COG4: variants seen among roughly 807,000 people sequenced by gnomAD.
COG4 encodes conserved oligomeric Golgi complex subunit 4.
Under a neutral mutation model 95.1 loss-of-function variants are expected in COG4, and 65 were observed. That is an observed-to-expected ratio of 0.68 (90% CI 0.56 to 0.84). The LOEUF is 0.84. Ranked by LOEUF, COG4 falls within the 40% of genes least tolerant of loss-of-function variation. The pLI, the probability that COG4 is intolerant of heterozygous loss-of-function variation, is 0.00. For missense variants in COG4, 1,045 were observed against 989.1 expected (o/e 1.06, Z -0.76); for synonymous variants, 421 against 374.8 (o/e 1.12, Z -1.42).
intron 12 of COG4, 78 bp downstream of exon 12, chr16:70,496,188 A>G (rs953428337): frequency 2.0e-6 from 3 of 1,496,282 alleles, no homozygotes; most frequent in Non-Finnish European, 2.8e-6. Context: ...GCTAGAGGCC[A>G]ATTATACTGT....
chr16:70,481,923 G>T (rs1485921903), intron 16 of COG4, 58 bp from the exon 17 acceptor site: 5 of 1,500,744 alleles, frequency 3.3e-6, no homozygotes, highest in Non-Finnish European at 3.7e-6. Flanking sequence ...CCTCTATGCT[G>T]GAGTCTTAGG....
rs896621246 is a variant in COG4 at position 70,493,148 on chromosome 16, C to T, written c.1648-2756G>A. Among the ~76,000 whole-genome samples the T allele has an allele frequency of 1.1e-4, 16 of 152,092 alleles. 1 individual carries two copies. The highest frequency in any genetic ancestry group is 6.2e-4 in the South Asian group (3 of 4,830). ...GGAGATGAAGGTGAGAACATTTCTC[C>T]ACCCCCAGCAGCCTCTCTCCAGCTC... On this transcript the variant is annotated intron_variant, in intron 12 of 18. Coordinates refer to ENST00000323786, the MANE Select transcript of COG4 (RefSeq NM_015386.3).
chr16:70,481,310 G>C, intron 18 of COG4, 49 bp downstream of exon 18: 4 of 1,607,880 alleles, frequency 2.5e-6, no homozygotes, highest in Non-Finnish European at 3.4e-6. Flanking sequence ...ATCCATCTTT[G>C]CCTCTTTCAG....
intron 8 of COG4, among the ~76,000 whole-genome samples, chr16:70,504,479 T>C (rs1419613168): frequency 6.6e-6 from 1 of 151,558 alleles, no homozygotes; most frequent in African/African-American, 2.4e-5. Flanking sequence ...TAGTGGTGAG[T>C]GCCTGTAAGC....
At position 70,480,630 on chromosome 16, in the gene COG4, G is replaced by A. The variant is rs1244920380; in HGVS notation, c.*380C>T. ...CATCACAGCCTCTCCTCAAAGTCAA[G>A]CCTAACTGCTAGGTCCCCAGATGTA... On this transcript the variant is annotated 3_prime_UTR_variant, in exon 19 of 19. Coordinates refer to ENST00000323786, the MANE Select transcript of COG4 (RefSeq NM_015386.3). The A allele has an allele frequency of 3.5e-6, 1 of 289,650 alleles. No homozygotes were observed. Among genetic ancestry groups the A allele is most frequent in the Non-Finnish European group, 6.7e-6 (1 of 149,706 alleles). 17.9% of individuals were successfully genotyped at this position (289,650 alleles called of 1,614,324 possible).
chr16:70,520,198 G>T (rs11649624), intron 1 of COG4, among the ~76,000 whole-genome samples: 59,561 of 151,834 alleles, frequency 0.39, 12,245 homozygotes, highest in South Asian at 0.65. Context: ...CACTTTGGGA[G>T]GCCAAGGCAG....
In COG4 at chr16:70,481,539, G is replaced by A. The variant is rs1307779237; in HGVS notation, c.2107-52C>T. 2.5e-6 allele frequency: 4 copies of A among 1,608,970 alleles called. No individual in the cohort carries two copies. In the African/African-American group the frequency reaches 4.0e-5, roughly 16 times the overall value. On this transcript the variant is annotated intron_variant, in intron 17 of 18. Coordinates refer to ENST00000323786, the MANE Select transcript of COG4 (RefSeq NM_015386.3). ...TACTTAGGCCTGGCCAAGCAGAACT[G>A]GCCTCCAGTTGCCCCCAGAGCTGGG...
chr16:70,481,464 C>G lies in COG4; in HGVS notation c.2130G>C (p.Lys710Asn). 1 of 1,612,610 alleles carries G rather than the reference C, an allele frequency of 6.2e-7. No individual in the cohort carries two copies. Among genetic ancestry groups the G allele is most frequent in the Non-Finnish European group, 8.5e-7 (1 of 1,179,992 alleles). ...GGTAGGCAATGAGCGACCTCAGCTC[C>G]TTGTCAAACTGCAGACCACCCAGCT... is the stretch of plus-strand genomic sequence containing the variant. ...FNRLGGLQFD[K>N]ELRSLIAYLT... Residue 710 changes from lysine to asparagine, a missense_variant, in exon 18 of 19, where the codon AAG becomes AAC. Transcript: ENST00000323786.
intron 4 of COG4, among the ~76,000 whole-genome samples, chr16:70,513,124 G>T (rs1369740070): frequency 6.6e-6 from 1 of 152,202 alleles, no homozygotes; most frequent in South Asian, 2.1e-4. Flanking sequence ...GGGAATGAAA[G>T]ACATGAATAG....
At chr16:70,497,126 T>C in intron 11 of COG4, 95 bp downstream of exon 11, 6 of 1,226,876 alleles carry the variant, frequency 4.9e-6, no homozygotes, top group Non-Finnish European at 7.2e-6. Flanking sequence ...AGAACTTAAC[T>C]AGAATCATGA....
At chr16:70,516,838 A>T (rs957364532) in intron 3 of COG4, among the ~76,000 whole-genome samples, 1 of 152,144 alleles carries the variant, frequency 6.6e-6, no homozygotes, top group Non-Finnish European at 1.5e-5. Flanking sequence ...ACCTTGGCTC[A>T]CTGCAATCTC....
chr16:70,488,599 G>A (rs2049183150), intron 13 of COG4, among the ~76,000 whole-genome samples: 1 of 152,030 alleles, frequency 6.6e-6, no homozygotes, highest in Non-Finnish European at 1.5e-5. Flanking sequence ...CCAGGCTGGA[G>A]TGCAGTGACG....
chr16:70,512,500 T>A, intron 4 of COG4, 68 bp from the exon 5 acceptor site: 1 of 1,281,444 alleles, frequency 7.8e-7, no homozygotes, highest in Non-Finnish European at 1.1e-6. Flanking sequence ...TGCCACTTTG[T>A]GTAATACTAT....
intron 15 of COG4, 81 bp downstream of exon 15, chr16:70,482,648 T>C (rs2049021693): frequency 8.7e-7 from 1 of 1,149,018 alleles, no homozygotes; most frequent in African/African-American, 1.5e-5. Flanking sequence ...GTCTAGTCTG[T>C]TCAGATGGCT....
Position 70,482,835 on chromosome 16 carries a change from A to G in COG4, c.1828-14T>C, listed in dbSNP as rs2049028263. 1.0e-5 allele frequency: 16 copies of G among 1,607,980 alleles called. No homozygotes were observed. The East Asian group carries it at 3.6e-4, about 36-fold the overall frequency. ...CGTCAGCCCTTCCTGCACAAGGACA[A>G]GGTGGAGACATGTGACACAGAAGGC... On this transcript the variant is annotated splice_polypyrimidine_tract_variant and intron_variant, in intron 14 of 18. Coordinates refer to ENST00000323786, the MANE Select transcript of COG4 (RefSeq NM_015386.3).
At chr16:70,517,262 G>A (rs976754362) in intron 3 of COG4, among the ~76,000 whole-genome samples, 3 of 152,078 alleles carry the variant, frequency 2.0e-5, no homozygotes, top group African/African-American at 7.2e-5. Context: ...CAGGCAAGGT[G>A]GTTCACACCT....
intron 1 of COG4, among the ~76,000 whole-genome samples, chr16:70,520,826 C>T (rs979456477): frequency 1.2e-4 from 19 of 152,172 alleles, no homozygotes; most frequent in Admixed American, 4.6e-4. Flanking sequence ...TTTTATGCTT[C>T]GGTTTTTTCA....
At position 70,512,278 on chromosome 16, in the gene COG4, C is replaced by G. The variant is rs753678883; in HGVS notation, c.699G>C (p.Glu233Asp). 1.9e-6 allele frequency: 3 copies of G among 1,614,064 alleles called. No individual in the cohort carries two copies. The highest frequency in any genetic ancestry group is 2.7e-5 in the African/African-American group (2 of 74,918). The change falls in exon 5 of 19, where the codon GAG becomes GAC. Residue 233 changes from glutamate (E) to aspartate (D), a missense_variant. Glu to Asp is a conservative substitution (Grantham distance 45, BLOSUM62 2). Coordinates refer to ENST00000323786, the MANE Select transcript of COG4 (RefSeq NM_015386.3). The stretch of plus-strand genomic sequence containing the variant: ...ACTCCGAGAACTTTCTTAATCCCTC[C>G]TCATGCAAACCCAGCAGTGGGAAGA... The part of the protein sequence containing the change: ...FKIFPLLGLH[E>D]EGLRKFSEYL...
intron 3 of COG4, among the ~76,000 whole-genome samples, chr16:70,516,200 T>G (rs1390517278): frequency 6.6e-6 from 1 of 152,204 alleles, no homozygotes; most frequent in Non-Finnish European, 1.5e-5. Context: ...TTTCAGATGT[T>G]AAATCAACCT....
Sources: allele counts gnomAD v4.1 joint callset (sites outside exome capture counted in the v4.1 genomes callset), GRCh38; gene constraint gnomAD v4.1.1; transcripts MANE v1.5; gene names NCBI Gene and HGNC (gene_info 2026-07-23, HGNC 2026-07-21).